Variants in GABRB3 observed in about 807,000 individuals in gnomAD.
GABRB3 encodes the protein gamma-aminobutyric acid type A receptor subunit beta3.
Under a neutral mutation model 52.1 loss-of-function variants are expected in GABRB3, and 14 were observed. That is an observed-to-expected ratio of 0.27 (90% confidence interval 0.18 to 0.42). The LOEUF is 0.42. Ranked by LOEUF, GABRB3 falls within the 10% of genes least tolerant of loss-of-function variation. The probability of loss-of-function intolerance (pLI) is 1.00; values close to 1 mark genes in which losing one functional copy is unlikely to be tolerated. For synonymous variants in GABRB3, 260 were observed against 232.3 expected, an observed-to-expected ratio of 1.12 and a Z score of -1.08; for missense variants, 307 against 609.1, an observed-to-expected ratio of 0.50 and a Z score of 5.22.
chr15:26,772,826 AGCGCCCCGC>A, intron 1 of GABRB3, 48 bp downstream of exon 1: 4 of 1,452,320 alleles, frequency 2.8e-6, no homozygotes, highest in South Asian at 1.4e-5. Flanking sequence ...CTCAGCCGCC[AGCGCCCCGC>A]GCACCCCGCG....
chr15:26,721,323 G>A (rs555431636), intron 3 of GABRB3, among the ~76,000 whole-genome samples: 4 of 152,214 alleles, frequency 2.6e-5, no homozygotes, highest in Middle Eastern at 6.8e-3. Flanking sequence ...CATCTAAGAA[G>A]GAAATCTCCA....
At chr15:26,712,413 G>C (rs1889328243) in intron 3 of GABRB3, among the ~76,000 whole-genome samples, 1 of 152,114 alleles carries the variant, frequency 6.6e-6, no homozygotes, top group African/African-American at 2.4e-5. Context: ...AGGAGGCTGG[G>C]AGAAGTGTCC....
At chr15:26,675,769 C>T (rs1053012150) in intron 3 of GABRB3, among the ~76,000 whole-genome samples, 1 of 152,130 alleles carries the variant, frequency 6.6e-6, no homozygotes, top group Admixed American at 6.5e-5. Context: ...CCTGGAAAAA[C>T]TGACCTAACT....
In GABRB3 at chr15:26,635,226, C is replaced by T. The variant is rs559315738; in HGVS notation, c.241-13692G>A. Reference sequence around the variant, plus strand: ...TGCTTGGACAAGGCACCCTCATCTCCATATTTCAAAGGTACTTGAACTGGG... The same window carrying T: ...TGCTTGGACAAGGCACCCTCATCTCTATATTTCAAAGGTACTTGAACTGGG... On this transcript the variant is annotated intron_variant, in intron 3 of 8. Coordinates refer to ENST00000311550, the MANE Select transcript of GABRB3 (RefSeq NM_000814.6). Among the ~76,000 whole-genome samples, 11 of 151,750 alleles carry T rather than the reference C, an allele frequency of 7.2e-5. No homozygotes were observed. In the East Asian group the frequency reaches 2.0e-3, roughly 27 times the overall value.
rs144533281 is a variant in GABRB3, at chr15:26,563,353, G to C, written c.836-2177C>G. Among the ~76,000 whole-genome samples the C allele has an allele frequency of 2.6e-3, 394 of 152,328 alleles. 2 individuals are homozygous for C. The highest frequency in any genetic ancestry group is 9.1e-3 in the African/African-American group (378 of 41,576). The stretch of plus-strand genomic sequence containing the variant: ...GAATCCCTAACAATAAGATTTCACA[G>C]TGAGTACTTCAGGTCTTTCTAGTTT... On this transcript the variant is annotated intron_variant, in intron 7 of 8. Transcript: ENST00000311550.
At chr15:26,728,429 C>T (rs566490894) in intron 3 of GABRB3, among the ~76,000 whole-genome samples, 1 of 152,258 alleles carries the variant, frequency 6.6e-6, no homozygotes, top group African/African-American at 2.4e-5. Context: ...ATAAACACCG[C>T]GTGCTGGAGT....
At chr15:26,552,128 C>T (rs1054146276) in intron 8 of GABRB3, among the ~76,000 whole-genome samples, 3 of 152,156 alleles carry the variant, frequency 2.0e-5, no homozygotes, top group African/African-American at 7.2e-5. Context: ...TTGCCTCAGC[C>T]TCCCAAGTAG....
At chr15:26,732,293 G>GATGT (rs1290055887) in intron 3 of GABRB3, among the ~76,000 whole-genome samples, 1 of 33,036 alleles carries the variant, frequency 3.0e-5, no homozygotes, top group African/African-American at 2.4e-4. Flanking sequence ...TGGATGGATA[G>GATGT]ATGGATGGAT....
rs368259836 is a variant in GABRB3, at chr15:26,772,872, C to G, written c.80+11G>C. 1 of 1,464,260 alleles carries G rather than the reference C, an allele frequency of 6.8e-7. No individual in the cohort carries two copies. Among genetic ancestry groups the G allele is most frequent in the African/African-American group, 1.5e-5 (1 of 68,208 alleles). The allele number at this position is 1,464,260 out of a possible 1,614,324, so 90.7% of individuals were successfully genotyped here. On this transcript the variant is annotated intron_variant, in intron 1 of 8. Transcript: ENST00000311550. ...CCTGCCCGCCGCCCGCCGGCCCACC[C>G]GCGACCCTACCTCTGGGCGCAGCAC...
chr15:26,667,728 T>C (rs1887760260), intron 3 of GABRB3, among the ~76,000 whole-genome samples: 1 of 152,134 alleles, frequency 6.6e-6, no homozygotes, highest in South Asian at 2.1e-4. Context: ...TGGGCACTTG[T>C]TAGAAATGCA....
At chr15:26,556,267 T>C (rs1228683507) in intron 8 of GABRB3, among the ~76,000 whole-genome samples, 1 of 152,140 alleles carries the variant, frequency 6.6e-6, no homozygotes, top group East Asian at 1.9e-4. Context: ...CACAGAGAGA[T>C]TTTTTGTTTT....
chr15:26,738,231 G>A (rs761802217), intron 3 of GABRB3, among the ~76,000 whole-genome samples: 17 of 151,864 alleles, frequency 1.1e-4, no homozygotes, highest in Non-Finnish European at 1.9e-4. Context: ...TACAGGCACC[G>A]GCCACCATGC....
intron 4 of GABRB3, chr15:26,615,493 G>T (rs1440219844): frequency 1.3e-5 from 13 of 968,630 alleles, no homozygotes; most frequent in Non-Finnish European, 1.6e-5. Context: ...TGGGAAAAAT[G>T]GCTCATGATT....
At chr15:26,771,012 GA>G (rs1262535002) in intron 3 of GABRB3, among the ~76,000 whole-genome samples, 1 of 151,972 alleles carries the variant, frequency 6.6e-6, no homozygotes, top group African/African-American at 2.4e-5. Context: ...ATATACTTTG[GA>G]AAAAAGTACA....
rs985230012 is a variant in GABRB3, at chr15:26,567,806, T to C, written c.683-73A>G. The C allele has an allele frequency of 3.4e-6, 5 of 1,450,138 alleles. 1 individual carries two copies. The Admixed American group carries it at 5.0e-5, about 15-fold the overall frequency. 89.8% of individuals were successfully genotyped at this position (1,450,138 alleles called of 1,614,324 possible). Reference sequence around the variant, plus strand: ...ACTAAAGAGTTTGCTTTGACTTCCATAGGTCAACAACAGGCAATGGAAAAG... The same window carrying C: ...ACTAAAGAGTTTGCTTTGACTTCCACAGGTCAACAACAGGCAATGGAAAAG... On this transcript the variant is annotated intron_variant, in intron 6 of 8. Coordinates refer to ENST00000311550, the MANE Select transcript of GABRB3 (RefSeq NM_000814.6).
intron 3 of GABRB3, among the ~76,000 whole-genome samples, chr15:26,635,016 T>TATATAA (rs1365883097): frequency 7.7e-6 from 1 of 130,024 alleles, no homozygotes; most frequent in African/African-American, 2.8e-5. Flanking sequence ...ATATAATATA[T>TATATAA]ATATATTTAG....
chr15:26,628,584 G>C (rs1040156662), intron 3 of GABRB3, among the ~76,000 whole-genome samples: 1 of 152,220 alleles, frequency 6.6e-6, no homozygotes, highest in African/African-American at 2.4e-5. Flanking sequence ...GTGAAGGGAA[G>C]GGCGGCTGCC....
At chr15:26,758,673 A>G (rs1333077440) in intron 3 of GABRB3, among the ~76,000 whole-genome samples, 1 of 152,038 alleles carries the variant, frequency 6.6e-6, no homozygotes, top group Non-Finnish European at 1.5e-5. Context: ...AGTTGATTCT[A>G]CCCCAGGTGT....
At chr15:26,711,033 T>C (rs905941293) in intron 3 of GABRB3, among the ~76,000 whole-genome samples, 6 of 152,154 alleles carry the variant, frequency 3.9e-5, no homozygotes, top group African/African-American at 1.4e-4. Context: ...GAAAATACCT[T>C]ATAATTTTTT....
Sources: gnomAD v4.1 joint callset for allele counts (sites outside exome capture counted in the v4.1 genomes callset) on GRCh38, gnomAD v4.1.1 for gene constraint, MANE v1.5 for transcripts, NCBI Gene and HGNC (gene_info 2026-07-23, HGNC 2026-07-21) for gene names.